PCDHA4: variants seen among roughly 807,000 people sequenced by gnomAD.
PCDHA4 encodes the protein protocadherin alpha-4.
Under a neutral mutation model 61.4 loss-of-function variants are expected in PCDHA4, and 49 were observed. The observed-to-expected ratio is 0.80, with a 90% CI of 0.63 to 1.01. The LOEUF (loss-of-function observed/expected upper bound fraction) is 1.01, where lower values mean the gene tolerates loss of function less well. Among genes scored for constraint, PCDHA4 ranks in the 50% least tolerant of loss-of-function variants. The pLI is 0.00. For synonymous variants in PCDHA4, 590 were observed against 550.3 expected (o/e 1.07, Z -1.01); for missense variants, 1,254 against 1,235.8 (o/e 1.01, Z -0.22).
intron 1 of PCDHA4, among the ~76,000 whole-genome samples, chr5:140,935,657 T>C (rs2090486652): frequency 1.3e-5 from 2 of 152,176 alleles, no homozygotes; most frequent in Non-Finnish European, 2.9e-5. Flanking sequence ...TTTAATTTTC[T>C]TTTATAATTA....
chr5:140,890,434 T>C (rs1368664447), intron 1 of PCDHA4, among the ~76,000 whole-genome samples: 2 of 152,226 alleles, frequency 1.3e-5, no homozygotes, highest in Non-Finnish European at 2.9e-5. Flanking sequence ...ATATTTACAA[T>C]ACCTAGTGAT....
At chr5:140,902,575 T>A (rs1200474088) in intron 1 of PCDHA4, among the ~76,000 whole-genome samples, 1 of 152,082 alleles carries the variant, frequency 6.6e-6, no homozygotes, top group Non-Finnish European at 1.5e-5. Flanking sequence ...TTTTTAAGAT[T>A]TCAATAGTTT....
chr5:140,894,678 G>A (rs2064610623), intron 1 of PCDHA4, among the ~76,000 whole-genome samples: 2 of 151,110 alleles, frequency 1.3e-5, no homozygotes, highest in African/African-American at 4.9e-5. Flanking sequence ...TTCTTGCATA[G>A]CTTTTCATTA....
At chr5:140,982,675 T>C in intron 3 of PCDHA4, 112 bp downstream of exon 3, 1 of 1,441,782 alleles carries the variant, frequency 6.9e-7, no homozygotes, top group Non-Finnish European at 9.1e-7. Flanking sequence ...ATTTTTGTTA[T>C]TCCCTTTTTT....
At chr5:140,830,450 G>C (rs2150186754) in intron 1 of PCDHA4, 3 of 1,598,530 alleles carry the variant, frequency 1.9e-6, no homozygotes, top group East Asian at 4.5e-5. Flanking sequence ...GGGTAAGGCG[G>C]AGAATCAGGA....
At chr5:140,877,159 C>G in intron 1 of PCDHA4, 2 of 1,613,818 alleles carry the variant, frequency 1.2e-6, no homozygotes, top group Non-Finnish European at 1.7e-6. Flanking sequence ...CGACAACGCG[C>G]CGGCACTGCT....
chr5:140,809,173 G>GGCCACT lies in PCDHA4; in HGVS notation c.1988_1993dup (p.Ala663_Thr664dup). 1 of 1,613,974 alleles carries GGCCACT rather than the reference G, an allele frequency of 6.2e-7. No homozygotes were observed. Among genetic ancestry groups the GGCCACT allele is most frequent in the Non-Finnish European group, 8.5e-7 (1 of 1,179,932 alleles). ...ACGGCGAGCCCGCGCTGACGGCCACGGCCACTGTGCTGGTGTCACTTGTGG... is the reference window on the plus strand; with the variant it reads ...ACGGCGAGCCCGCGCTGACGGCCACGGCCACTGCCACTGTGCTGGTGTCACTTGTGG... On this transcript the variant is annotated inframe_insertion, in exon 1 of 4. Coordinates refer to ENST00000530339, the MANE Select transcript of PCDHA4 (RefSeq NM_018907.4).
chr5:141,002,335 ACC>A (rs1554258611), intron 3 of PCDHA4, among the ~76,000 whole-genome samples: 81 of 152,230 alleles, frequency 5.3e-4, no homozygotes, highest in African/African-American at 2.0e-3. Flanking sequence ...CTGCATCCGC[ACC>A]CCTTCCCCCA....
chr5:140,951,793 C>G (rs536005204), intron 1 of PCDHA4, among the ~76,000 whole-genome samples: 1 of 152,126 alleles, frequency 6.6e-6, no homozygotes, highest in African/African-American at 2.4e-5. Flanking sequence ...ATACAATTAT[C>G]CCTTCCCAAT....
chr5:140,999,409 T>C (rs1554256782), intron 3 of PCDHA4, among the ~76,000 whole-genome samples: 1 of 152,186 alleles, frequency 6.6e-6, no homozygotes, highest in African/African-American at 2.4e-5. Flanking sequence ...TATGAAAGAA[T>C]GGGAGCTAAG....
chr5:140,855,030 G>A (rs1385138184), intron 1 of PCDHA4, among the ~76,000 whole-genome samples: 1 of 149,666 alleles, frequency 6.7e-6, no homozygotes, highest in African/African-American at 2.4e-5. Context: ...CTTGTATAAA[G>A]GATTTTTCTG....
At chr5:140,878,389 T>A (rs528504145) in intron 1 of PCDHA4, among the ~76,000 whole-genome samples, 1 of 152,360 alleles carries the variant, frequency 6.6e-6, no homozygotes, top group East Asian at 1.9e-4. Flanking sequence ...ATTTTCTTCA[T>A]TGCTCACAAA....
chr5:140,842,491 G>GC, intron 1 of PCDHA4: 1 of 1,613,896 alleles, frequency 6.2e-7, no homozygotes, highest in African/African-American at 1.3e-5. Flanking sequence ...GCTCCCTGAT[G>GC]CCCCATGTCC....
chr5:140,869,525 T>C, intron 1 of PCDHA4: 2 of 1,614,200 alleles, frequency 1.2e-6, no homozygotes, highest in Admixed American at 1.7e-5. Context: ...CAAAAGCTGC[T>C]GATTGCGGAA....
chr5:140,845,410 G>A (rs1316753115), intron 1 of PCDHA4, among the ~76,000 whole-genome samples: 3 of 149,216 alleles, frequency 2.0e-5, no homozygotes, highest in South Asian at 4.2e-4. Context: ...ATTGTATTTG[G>A]CAATTTATCA....
intron 1 of PCDHA4, among the ~76,000 whole-genome samples, chr5:140,948,620 T>TTAA (rs1422284059): frequency 6.6e-6 from 1 of 151,716 alleles, no homozygotes; most frequent in African/African-American, 2.4e-5. Context: ...CACAAAGTTG[T>TTAA]TAATAATATT....
In PCDHA4 at chr5:140,969,100, C is replaced by T. The variant is rs781998624; in HGVS notation, c.2386-9849C>T. ...ATGGCCTCAAAGTGCAGCCTCACTT[C>T]ATTGAAGTTCGAGGGAATGGCTCCC... On this transcript the variant is annotated intron_variant, in intron 1 of 3. Coordinates refer to ENST00000530339, the MANE Select transcript of PCDHA4 (RefSeq NM_018907.4). The T allele has an allele frequency of 8.7e-6, 14 of 1,614,054 alleles. No individual in the cohort carries two copies. The South Asian group carries it at 8.8e-5, about 10-fold the overall frequency.
chr5:140,924,613 T>G (rs185833158), intron 1 of PCDHA4, among the ~76,000 whole-genome samples: 1 of 152,170 alleles, frequency 6.6e-6, no homozygotes, highest in African/African-American at 2.4e-5. Context: ...TGATGCCAGG[T>G]GCGGTGGCAT....
In PCDHA4 at chr5:140,855,864, G is replaced by T. The variant is rs2043653105; in HGVS notation, c.2385+46292G>T. On this transcript the variant is annotated intron_variant, in intron 1 of 3. Transcript: ENST00000530339. ...CCTAAAGCCACCGGATGTCGCTGTC[G>T]TCCACAAAATAGCTTTTTAGAACAA... 4 of 775,774 alleles carry T rather than the reference G, an allele frequency of 5.2e-6. No individual in the cohort carries two copies. The East Asian group carries it at 8.1e-5, about 16-fold the overall frequency. The allele number at this position is 775,774 out of a possible 1,614,324, so 48.1% of individuals were successfully genotyped here. A position where few individuals can be genotyped will look rare whatever the true frequency, so the allele number is the denominator to read the frequency against.
Sources: gnomAD v4.1 joint callset for allele counts (sites outside exome capture counted in the v4.1 genomes callset) on GRCh38, gnomAD v4.1.1 for gene constraint, MANE v1.5 for transcripts, NCBI Gene and HGNC (gene_info 2026-07-23, HGNC 2026-07-21) for gene names.